Variants in METTL15 observed in about 807,000 individuals in gnomAD.
The protein encoded by METTL15 is 12S rRNA N(4)-cytidine methyltransferase METTL15.
Under a neutral mutation model 38.3 loss-of-function variants are expected in METTL15, and 34 were observed. The ratio of observed to expected loss-of-function variants is 0.89; its 90% CI spans 0.68 to 1.18. The LOEUF (loss-of-function observed/expected upper bound fraction) is 1.18, where lower values mean the gene tolerates loss of function less well. METTL15 is among the 50% of genes most tolerant of loss of function. The pLI, the probability that METTL15 is intolerant of heterozygous loss-of-function variation, is 0.00. For synonymous variants in METTL15, 162 were observed against 170.9 expected (o/e 0.95, Z 0.41); for missense variants, 438 against 498.4 (o/e 0.88, Z 1.15).
intron 3 of METTL15, among the ~76,000 whole-genome samples, chr11:28,191,565 A>G (rs1022474507): frequency 6.6e-6 from 1 of 151,546 alleles, no homozygotes; most frequent in African/African-American, 2.4e-5. Context: ...AAAACTGTAC[A>G]TGGATATAAA....
chr11:28,424,755 G>A lies in METTL15; in HGVS notation c.*424+391G>A, dbSNP rs566005364. ...TTCAATTCTTCCACCAAGAGATGTG[G>A]AAGGTATGATTTATCACATAAGGCC... is the stretch of plus-strand genomic sequence containing the variant. On this transcript the variant is annotated intron_variant and NMD_transcript_variant, in intron 6 of 7. Transcript: ENST00000532947. Among the ~76,000 whole-genome samples, 6 of 152,264 alleles carry A rather than the reference G, an allele frequency of 3.9e-5. No individual in the cohort carries two copies. The East Asian group carries it at 1.2e-3, about 29-fold the overall frequency.
chr11:28,469,321 G>A (rs1195750038), intron 6 of METTL15, among the ~76,000 whole-genome samples: 1 of 152,106 alleles, frequency 6.6e-6, no homozygotes, highest in Non-Finnish European at 1.5e-5. Context: ...ACAATGTAAT[G>A]CATTTATGCA....
At chr11:28,467,129 A>G (rs982388137) in intron 6 of METTL15, among the ~76,000 whole-genome samples, 6 of 152,132 alleles carry the variant, frequency 3.9e-5, no homozygotes, top group Admixed American at 2.0e-4. Context: ...GTTGCTGCAG[A>G]GGGCATCTCA....
chr11:28,384,572 C>T (rs921094316), intron 5 of METTL15, among the ~76,000 whole-genome samples: 1 of 152,020 alleles, frequency 6.6e-6, no homozygotes, highest in Non-Finnish European at 1.5e-5. Context: ...GGCCTCCCAA[C>T]GTGCTGTGGT....
intron 6 of METTL15, among the ~76,000 whole-genome samples, chr11:28,518,233 C>G (rs140111756): frequency 1.3e-4 from 20 of 152,222 alleles, no homozygotes; most frequent in Non-Finnish European, 2.6e-4. Flanking sequence ...ATGCTAGAGA[C>G]CCCCCTCCAC....
At chr11:28,348,680 T>G (rs1850016599) in intron 3 of METTL15, among the ~76,000 whole-genome samples, 1 of 145,892 alleles carries the variant, frequency 6.9e-6, no homozygotes, top group Non-Finnish European at 1.5e-5. Context: ...GTCTATCCAT[T>G]TATGTATGTA....
chr11:28,269,319 A>AT (rs1565213506), intron 4 of METTL15, among the ~76,000 whole-genome samples: 12 of 151,848 alleles, frequency 7.9e-5, no homozygotes, highest in Admixed American at 4.6e-4. Flanking sequence ...TATATATATA[A>AT]AAAACATGAA....
intron 4 of METTL15, among the ~76,000 whole-genome samples, chr11:28,217,963 C>G (rs1373528752): frequency 6.6e-6 from 1 of 152,052 alleles, no homozygotes; most frequent in Non-Finnish European, 1.5e-5. Context: ...TTACTGTAGC[C>G]TTGTAGTGTA....
intron 6 of METTL15, among the ~76,000 whole-genome samples, chr11:28,431,790 TAAAAAAAAAAAAA>T: frequency 1.4e-5 from 1 of 71,496 alleles, no homozygotes; most frequent in Non-Finnish European, 2.5e-5. Context: ...AAAATAAATT[TAAAAAAAAAAAAA>T]AAAAGAAAAA....
chr11:28,309,415 T>C (rs1857195769), intron 6 of METTL15, among the ~76,000 whole-genome samples: 1 of 152,172 alleles, frequency 6.6e-6, no homozygotes, highest in Non-Finnish European at 1.5e-5. Context: ...CAACTTCTAC[T>C]TCATCTCTTA....
At chr11:28,156,106 G>T (rs954620223) in intron 3 of METTL15, among the ~76,000 whole-genome samples, 1 of 152,092 alleles carries the variant, frequency 6.6e-6, no homozygotes, top group African/African-American at 2.4e-5. Context: ...TGTCTAATGT[G>T]TTATTATTCT....
chr11:28,261,345 T>C (rs1029150631), intron 4 of METTL15: 3 of 152,368 alleles, frequency 2.0e-5, no homozygotes, highest in Admixed American at 2.0e-4. Flanking sequence ...GACTGGAGAA[T>C]GGTCCTCTTC....
intron 6 of METTL15, among the ~76,000 whole-genome samples, chr11:28,493,701 G>A (rs1051841386): frequency 6.6e-6 from 1 of 152,106 alleles, no homozygotes; most frequent in African/African-American, 2.4e-5. Flanking sequence ...AGTTGTTCAA[G>A]GTCAGAATCT....
chr11:28,496,423 T>G (rs1383757836), intron 6 of METTL15, among the ~76,000 whole-genome samples: 3 of 152,148 alleles, frequency 2.0e-5, no homozygotes, highest in Non-Finnish European at 4.4e-5. Flanking sequence ...GATTTGGGTG[T>G]GGACACAGAC....
At chr11:28,113,898 C>T (rs117990945) in intron 3 of METTL15, among the ~76,000 whole-genome samples, 20 of 152,118 alleles carry the variant, frequency 1.3e-4, no homozygotes, top group East Asian at 3.9e-4. Context: ...TGTAGGGTAA[C>T]GTAAGTGTTC....
At chr11:28,287,488 A>G (rs554110437) in intron 4 of METTL15, 4 of 391,754 alleles carry the variant, frequency 1.0e-5, no homozygotes, top group African/African-American at 8.6e-5. Context: ...AGATTCGCCC[A>G]TGTAATCATG....
intron 3 of METTL15, among the ~76,000 whole-genome samples, chr11:28,140,850 G>A (rs1010305641): frequency 1.3e-5 from 2 of 152,126 alleles, no homozygotes; most frequent in Non-Finnish European, 2.9e-5. Flanking sequence ...GTGGGCGTGT[G>A]GGCACTTAGT....
rs564363173 is a variant in METTL15, at chr11:28,234,401, A to G, written c.407+23203A>G. On this transcript the variant is annotated intron_variant, in intron 4 of 6. Transcript: ENST00000407364. ...CCACACTGACTTCCAAAATGGTTGAACTAGTTTACAGTCCCACCAACAGTG... is the reference window on the plus strand; with the variant it reads ...CCACACTGACTTCCAAAATGGTTGAGCTAGTTTACAGTCCCACCAACAGTG... Among the ~76,000 whole-genome samples, 18 of 151,552 alleles carry G rather than the reference A, an allele frequency of 1.2e-4. No individual in the cohort carries two copies. In the South Asian group the frequency reaches 3.6e-3, roughly 30 times the overall value.
intron 3 of METTL15, among the ~76,000 whole-genome samples, chr11:28,152,871 G>A (rs1414316441): frequency 1.3e-5 from 2 of 151,896 alleles, no homozygotes; most frequent in African/African-American, 4.8e-5. Context: ...TCCTAAACAG[G>A]GGTAGATTAT....
Sources: allele counts gnomAD v4.1 joint callset (sites outside exome capture counted in the v4.1 genomes callset), GRCh38; gene constraint gnomAD v4.1.1; transcripts MANE v1.5; gene names NCBI Gene and HGNC (gene_info 2026-07-23, HGNC 2026-07-21).